Variants in BMX observed in about 807,000 individuals in gnomAD.
BMX encodes the protein cytoplasmic tyrosine-protein kinase BMX.
Under a neutral mutation model 59.2 loss-of-function variants are expected in BMX, and 31 were observed. That is an observed-to-expected ratio of 0.52 (90% confidence interval 0.39 to 0.71). BMX has a LOEUF of 0.71. BMX is among the 30% of genes least tolerant of loss of function. The pLI, the probability that BMX is intolerant of heterozygous loss-of-function variation, is 0.00. For missense variants in BMX, 474 were observed against 491.7 expected, an observed-to-expected ratio of 0.96 and a Z score of 0.34; for synonymous variants, 185 against 181.0, an observed-to-expected ratio of 1.02 and a Z score of -0.18.
intron 17 of BMX, among the ~76,000 whole-genome samples, chrX:15,548,283 C>T (rs1926037360): frequency 1.8e-5 from 2 of 110,360 alleles, no homozygotes; most frequent in Non-Finnish European, 3.8e-5. Context: ...ATGGCAAAAA[C>T]TCGTCTCTAC....
Position 15,511,517 on chromosome X carries a change from AGGT to A in BMX, c.325_325+2del. The A allele has an allele frequency of 8.3e-7, 1 of 1,197,707 alleles. No homozygotes were observed. The highest frequency in any genetic ancestry group is 2.2e-5 in the Admixed American group (1 of 44,772). Reference sequence around the variant, plus strand: ...GTCAGTGGTTGAAAGCATTACAAAAAGGTAATTCAAAAAAAGAAATGTTGAAAG... The same window carrying A: ...GTCAGTGGTTGAAAGCATTACAAAAAAATTCAAAAAAAGAAATGTTGAAAG... On this transcript the variant is annotated splice_donor_variant and coding_sequence_variant, in exon 4 of 19. Coordinates refer to ENST00000348343, the MANE Select transcript of BMX (RefSeq NM_203281.3). LOFTEE classifies it high-confidence loss of function.
intron 7 of BMX, 44 bp from the exon 8 acceptor site, chrX:15,525,244 G>GTAA: frequency 9.1e-7 from 1 of 1,100,930 alleles, no homozygotes; most frequent in Non-Finnish European, 1.2e-6. Context: ...AAATTTATAA[G>GTAA]TAGACATATG....
At chrX:15,508,566 A>G in intron 2 of BMX, 75 bp downstream of exon 2, 2 of 828,918 alleles carry the variant, frequency 2.4e-6, no homozygotes, top group Non-Finnish European at 3.3e-6. Context: ...ACTTGATCAT[A>G]ATGAAAGAAT....
chrX:15,532,316 G>A (rs1185050712), intron 11 of BMX, among the ~76,000 whole-genome samples: 1 of 110,608 alleles, frequency 9.0e-6, no homozygotes, highest in Non-Finnish European at 1.9e-5. Context: ...TTGGTAGTTA[G>A]CTCTTTTTTT....
intron 14 of BMX, among the ~76,000 whole-genome samples, chrX:15,539,958 T>C (rs1925577087): frequency 1.8e-5 from 2 of 112,045 alleles, no homozygotes; most frequent in African/African-American, 6.5e-5. Flanking sequence ...TGGAGAGAAA[T>C]AGGAACGCTT....
intron 16 of BMX, among the ~76,000 whole-genome samples, chrX:15,546,114 T>C (rs1465458074): frequency 8.9e-6 from 1 of 112,364 alleles, no homozygotes; most frequent in Non-Finnish European, 1.9e-5. Context: ...TATATTTAAT[T>C]ACTCCTCAAC....
intron 11 of BMX, 124 bp from the exon 12 acceptor site, chrX:15,534,088 C>A: frequency 1.8e-6 from 1 of 563,213 alleles, no homozygotes; most frequent in Non-Finnish European, 2.7e-6. Flanking sequence ...GATGCCAAGC[C>A]TGAGAAAACC....
In BMX at chrX:15,556,084, G is replaced by C; in HGVS notation, c.1965G>C (p.Lys655Asn). Residue 655 changes from lysine (K) to asparagine (N), a missense_variant, in exon 19 of 19, where the codon AAG becomes AAC. Transcript: ENST00000348343. ...TTGTTTTTGTTTAGCTTCCAGAAAA[G>C]CGTCCCACATTTCAGCAACTCCTGT... ...MYSCWHELPE[K>N]RPTFQQLLSS... The C allele has an allele frequency of 8.3e-7, 1 of 1,205,277 alleles. No homozygotes were observed. Among genetic ancestry groups the C allele is most frequent in the Non-Finnish European group, 1.1e-6 (1 of 892,802 alleles).
chrX:15,509,642 C>T (rs1411480461), intron 3 of BMX, among the ~76,000 whole-genome samples: 3 of 111,165 alleles, frequency 2.7e-5, no homozygotes, highest in African/African-American at 9.8e-5. Flanking sequence ...AAGACAGGAG[C>T]GTAAGTCGCA....
Position 15,522,227 on chromosome X carries a change from C to T in BMX, c.511-119C>T. On this transcript the variant is annotated intron_variant, in intron 6 of 18. Transcript: ENST00000348343. The stretch of plus-strand genomic sequence containing the variant: ...CCTTCCTCCCTTCCTCCCTCCCTTC[C>T]TCCCTCCCTTCTCTCCTTCCTTTCT... The T allele has an allele frequency of 6.5e-6, 6 of 920,713 alleles. No individual in the cohort carries two copies. The South Asian group carries it at 1.0e-4, about 16-fold the overall frequency. 75.9% of individuals were successfully genotyped at this position (920,713 alleles called of 1,213,427 possible). A position where few individuals can be genotyped will look rare whatever the true frequency, so the allele number is the denominator to read the frequency against.
chrX:15,556,250 T>A lies in BMX; in HGVS notation c.*103T>A. 1 of 731,594 alleles carries A rather than the reference T, an allele frequency of 1.4e-6. No homozygotes were observed. The highest frequency in any genetic ancestry group is 3.5e-5 in the East Asian group (1 of 28,984). The allele number at this position is 731,594 out of a possible 1,213,427, so 60.3% of individuals were successfully genotyped here. A position where few individuals can be genotyped will look rare whatever the true frequency, so the allele number is the denominator to read the frequency against. On this transcript the variant is annotated 3_prime_UTR_variant, in exon 19 of 19. Coordinates refer to ENST00000348343, the MANE Select transcript of BMX (RefSeq NM_203281.3). Reference sequence around the variant, plus strand: ...GGCATAATGTAATTTAGCTAGTTTTTAATAGTGTTCTCTGTATTGTCTATT... The same window carrying A: ...GGCATAATGTAATTTAGCTAGTTTTAAATAGTGTTCTCTGTATTGTCTATT...
chrX:15,542,211 A>C lies in BMX; in HGVS notation c.1611+13A>C. 8.3e-7 allele frequency: 1 copy of C among 1,205,400 alleles called. No homozygotes were observed. Among genetic ancestry groups the C allele is most frequent in the Non-Finnish European group, 1.1e-6 (1 of 890,118 alleles). On this transcript the variant is annotated intron_variant, in intron 15 of 18. Coordinates refer to ENST00000348343, the MANE Select transcript of BMX (RefSeq NM_203281.3). ...ACACCGGGACTTGGTAAGCAAAGCC[A>C]TTGGAATTTCAAAGAAAAGAAAGCA...
intron 18 of BMX, among the ~76,000 whole-genome samples, chrX:15,553,978 C>T (rs1161032670): frequency 1.8e-5 from 2 of 112,241 alleles, no homozygotes; most frequent in Non-Finnish European, 3.8e-5. Flanking sequence ...AAACATTGCA[C>T]CTAATGAGCA....
intron 18 of BMX, among the ~76,000 whole-genome samples, chrX:15,551,545 T>TATA (rs36007649): frequency 9.1e-5 from 3 of 32,938 alleles, no homozygotes; most frequent in Admixed American, 5.2e-4. Context: ...ATATATATAT[T>TATA]TTTTTTTTTT....
At chrX:15,527,301 C>CACAT (rs1210376783) in intron 9 of BMX, among the ~76,000 whole-genome samples, 4 of 91,180 alleles carry the variant, frequency 4.4e-5, no homozygotes, top group South Asian at 5.1e-4. Flanking sequence ...CACACACACA[C>CACAT]ATATATATAT....
chrX:15,542,336 G>A (rs1280835835), intron 15 of BMX, 138 bp downstream of exon 15: 1 of 533,398 alleles, frequency 1.9e-6, no homozygotes, highest in Non-Finnish European at 3.1e-6. Context: ...TTAAGCAAAT[G>A]ACATTTTTAC....
At chrX:15,545,688 C>T (rs1001172544) in intron 16 of BMX, among the ~76,000 whole-genome samples, 2 of 111,415 alleles carry the variant, frequency 1.8e-5, no homozygotes, top group African/African-American at 6.5e-5. Flanking sequence ...GGGAGACTGC[C>T]GTTCCCTGGC....
chrX:15,536,856 C>T (rs1176504857), intron 13 of BMX, among the ~76,000 whole-genome samples: 1 of 111,260 alleles, frequency 9.0e-6, no homozygotes, highest in Non-Finnish European at 1.9e-5. Context: ...GATGCTAAGC[C>T]TCTCCAAGAT....
chrX:15,545,086 T>G (rs905524305), intron 16 of BMX, among the ~76,000 whole-genome samples: 1 of 111,712 alleles, frequency 9.0e-6, no homozygotes, highest in African/African-American at 3.3e-5. Context: ...ATGTACTTAT[T>G]ATAAGAAAAA....
Sources: gnomAD v4.1 joint callset for allele counts (sites outside exome capture counted in the v4.1 genomes callset) on GRCh38, gnomAD v4.1.1 for gene constraint, MANE v1.5 for transcripts, NCBI Gene and HGNC (gene_info 2026-07-23, HGNC 2026-07-21) for gene names.